The following PDE7B variants were observed in gnomAD, a reference collection of about 807,000 sequenced individuals.
PDE7B encodes 3',5'-cyclic-AMP phosphodiesterase 7B.
Under a neutral mutation model 56.2 loss-of-function variants are expected in PDE7B, and 29 were observed. The observed-to-expected ratio is 0.52, with a 90% CI of 0.38 to 0.70. The LOEUF is 0.70. Among genes scored for constraint, PDE7B ranks in the 30% least tolerant of loss-of-function variants. The pLI, the probability that PDE7B is intolerant of heterozygous loss-of-function variation, is 0.00. For synonymous variants in PDE7B, 197 were observed against 196.9 expected, an observed-to-expected ratio of 1.00 and a Z score of 0.00; for missense variants, 490 against 565.0, an observed-to-expected ratio of 0.87 and a Z score of 1.35.
chr6:136,098,149 A>AAAAATAT (rs1311774244), intron 2 of PDE7B: 1 of 135,470 alleles, frequency 7.4e-6, no homozygotes, highest in African/African-American at 2.7e-5. Context: ...GGGGGGGGGA[A>AAAAATAT]ATATATGTAT....
At chr6:135,937,367 C>T (rs1774438533) in intron 1 of PDE7B, among the ~76,000 whole-genome samples, 1 of 152,232 alleles carries the variant, frequency 6.6e-6, no homozygotes, top group Admixed American at 6.5e-5. Flanking sequence ...TGGCCCCTGC[C>T]AACTTCCCCA....
intron 2 of PDE7B, among the ~76,000 whole-genome samples, chr6:136,039,174 T>C (rs569662949): frequency 6.6e-6 from 1 of 152,218 alleles, no homozygotes; most frequent in Admixed American, 6.5e-5. Flanking sequence ...GAATGTGCTG[T>C]GTTTGGGACG....
chr6:135,869,216 A>T (rs1304978461), intron 1 of PDE7B, among the ~76,000 whole-genome samples: 1 of 152,138 alleles, frequency 6.6e-6, no homozygotes, highest in Admixed American at 6.6e-5. Context: ...ATGGTGTGAA[A>T]GTATCTGTAA....
At chr6:136,169,219 C>G (rs536662181) in intron 8 of PDE7B, among the ~76,000 whole-genome samples, 1 of 152,132 alleles carries the variant, frequency 6.6e-6, no homozygotes, top group Non-Finnish European at 1.5e-5. Flanking sequence ...AGTCTCTCCT[C>G]TCTATGCTGT....
At chr6:136,077,337 T>C (rs893043732) in intron 2 of PDE7B, among the ~76,000 whole-genome samples, 13 of 152,224 alleles carry the variant, frequency 8.5e-5, no homozygotes, top group Non-Finnish European at 8.8e-5. Context: ...GTGGTTTTTT[T>C]CAATAAATAA....
rs375101938 is a variant in PDE7B, at chr6:136,004,391, T to C, written c.82+56867T>C. On this transcript the variant is annotated intron_variant, in intron 2 of 12. Coordinates refer to ENST00000308191, the MANE Select transcript of PDE7B (RefSeq NM_018945.4). ...GAGAAGGAAATAAAGGGTATTCAATTAGGAAAAGAGGAAGTCAAATTGTCC... is the reference window on the plus strand; with the variant it reads ...GAGAAGGAAATAAAGGGTATTCAATCAGGAAAAGAGGAAGTCAAATTGTCC... 1.1e-3 allele frequency among the ~76,000 whole-genome samples: 171 copies of C among 152,048 alleles called. No individual in the cohort carries two copies. The East Asian group carries it at 0.026, about 23-fold the overall frequency.
chr6:135,892,795 A>C (rs1221322183), intron 1 of PDE7B, among the ~76,000 whole-genome samples: 1 of 152,192 alleles, frequency 6.6e-6, no homozygotes, highest in Non-Finnish European at 1.5e-5. Context: ...AATAAGTTGA[A>C]TATTTCTCAG....
intron 2 of PDE7B, chr6:136,093,914 A>G (rs948709400): frequency 5.3e-5 from 8 of 152,174 alleles, no homozygotes; most frequent in Non-Finnish European, 8.8e-5. Flanking sequence ...CTTCTGTTTC[A>G]CTCTAAGTCT....
At chr6:136,041,219 C>A (rs73777432) in intron 2 of PDE7B, among the ~76,000 whole-genome samples, 1 of 152,068 alleles carries the variant, frequency 6.6e-6, no homozygotes, top group Non-Finnish European at 1.5e-5. Flanking sequence ...TTTTCCTTAG[C>A]AAAGGGCATC....
At position 136,192,047 on chromosome 6, in the gene PDE7B, A is replaced by G; in HGVS notation, c.*207A>G. The G allele has an allele frequency of 3.4e-6, 2 of 580,404 alleles. No individual in the cohort carries two copies. Among genetic ancestry groups the G allele is most frequent in the Non-Finnish European group, 6.2e-6 (2 of 323,430 alleles). 36.0% of individuals were successfully genotyped at this position (580,404 alleles called of 1,614,324 possible). A position where few individuals can be genotyped will look rare whatever the true frequency, so the allele number is the denominator to read the frequency against. ...TTGTCACCTCAGCATTCGCTGCCGA[A>G]ATGAGCAACTCCATTCAGTAACGTG... On this transcript the variant is annotated 3_prime_UTR_variant, in exon 13 of 13. Transcript: ENST00000308191.
chr6:135,999,996 G>T (rs1775636586), intron 2 of PDE7B, among the ~76,000 whole-genome samples: 1 of 152,158 alleles, frequency 6.6e-6, no homozygotes, highest in South Asian at 2.1e-4. Flanking sequence ...GCTTTGATTT[G>T]CATTTCTGTA....
chr6:136,156,043 T>C, intron 8 of PDE7B: 1 of 474,580 alleles, frequency 2.1e-6, no homozygotes, highest in South Asian at 2.0e-5. Flanking sequence ...GTGCTGTTCT[T>C]TGTATCCAAA....
chr6:136,104,693 G>A (rs915288869), intron 2 of PDE7B, among the ~76,000 whole-genome samples: 9 of 152,192 alleles, frequency 5.9e-5, no homozygotes, highest in African/African-American at 1.9e-4. Context: ...AATGTCTGGT[G>A]TGTTTGTATT....
intron 2 of PDE7B, among the ~76,000 whole-genome samples, chr6:136,043,575 CAAAAAAA>C (rs34337621): frequency 2.8e-5 from 3 of 106,906 alleles, no homozygotes; most frequent in African/African-American, 1.1e-4. Flanking sequence ...GACATAATAG[CAAAAAAA>C]AAAAAAAAAA....
chr6:135,938,025 G>A (rs1220410592), intron 1 of PDE7B, among the ~76,000 whole-genome samples: 1 of 152,182 alleles, frequency 6.6e-6, no homozygotes, highest in Admixed American at 6.5e-5. Context: ...AGAGGAGTGA[G>A]CATTGTTACT....
At position 135,873,928 on chromosome 6, in the gene PDE7B, G is replaced by C. The variant is rs1775439741; in HGVS notation, c.21+21909G>C. ...ATTGGGAACTACTAAGCTAGATGTT[G>C]TTCTAGGCACCTGCAGATTCAGCAG... is the stretch of plus-strand genomic sequence containing the variant. On this transcript the variant is annotated intron_variant, in intron 1 of 12. Coordinates refer to ENST00000308191, the MANE Select transcript of PDE7B (RefSeq NM_018945.4). Among the ~76,000 whole-genome samples the C allele has an allele frequency of 2.0e-5, 3 of 152,132 alleles. No individual in the cohort carries two copies. The South Asian group carries it at 6.2e-4, about 31-fold the overall frequency.
At position 136,195,070 on chromosome 6, in the gene PDE7B, A is replaced by G. The variant is rs1456147009; in HGVS notation, c.*3230A>G. The G allele has an allele frequency of 6.6e-6, 1 of 152,208 alleles. No individual in the cohort carries two copies. 9.4% of individuals were successfully genotyped at this position (152,208 alleles called of 1,614,324 possible). ...AAGCTGACGGTAAAGTTAAGATTAA[A>G]TTAAGACAGAGAGAGAATACATATC... On this transcript the variant is annotated 3_prime_UTR_variant, in exon 13 of 13. Coordinates refer to ENST00000308191, the MANE Select transcript of PDE7B (RefSeq NM_018945.4).
intron 1 of PDE7B, among the ~76,000 whole-genome samples, chr6:135,936,702 A>G (rs1299985456): frequency 1.3e-5 from 2 of 152,142 alleles, no homozygotes. Context: ...TGAGAGGGAG[A>G]TGTCCCTAAA....
intron 2 of PDE7B, among the ~76,000 whole-genome samples, chr6:135,963,198 A>G (rs1774938278): frequency 6.6e-6 from 1 of 152,208 alleles, no homozygotes; most frequent in African/African-American, 2.4e-5. Flanking sequence ...AGACATCCTC[A>G]AGATGTTATC....
Sources: allele counts gnomAD v4.1 joint callset (sites outside exome capture counted in the v4.1 genomes callset), GRCh38; gene constraint gnomAD v4.1.1; transcripts MANE v1.5; gene names NCBI Gene and HGNC (gene_info 2026-07-23, HGNC 2026-07-21).